The following LITAF variants were observed in gnomAD, a reference collection of about 807,000 sequenced individuals.
LITAF encodes lipopolysaccharide induced TNF factor, also known as lipopolysaccharide-induced tumor necrosis factor-alpha factor.
Under a neutral mutation model 14.5 loss-of-function variants are expected in LITAF, and 9 were observed. The ratio of observed to expected loss-of-function variants is 0.62; its 90% CI spans 0.37 to 1.08. LITAF has a LOEUF of 1.08. Among genes scored for constraint, LITAF ranks in the 50% least tolerant of loss-of-function variants. The probability of loss-of-function intolerance (pLI) is 0.01; values close to 1 mark genes in which losing one functional copy is unlikely to be tolerated. For missense variants in LITAF, 206 were observed against 213.4 expected, an observed-to-expected ratio of 0.97 and a Z score of 0.22; for synonymous variants, 98 against 88.2, an observed-to-expected ratio of 1.11 and a Z score of -0.62.
At chr16:11,572,117 CAAAT>C (rs1260272078) in intron 1 of LITAF, among the ~76,000 whole-genome samples, 10 of 151,922 alleles carry the variant, frequency 6.6e-5, no homozygotes, top group Admixed American at 1.3e-4. Flanking sequence ...AACAAACAAA[CAAAT>C]AAACAGATCA....
chr16:11,638,042 CTATATATA>C (rs559457634), upstream of LITAF, among the ~76,000 whole-genome samples: 43 of 85,204 alleles, frequency 5.0e-4, 2 homozygotes, highest in African/African-American at 1.4e-3. Flanking sequence ...CTATATATAT[CTATATATA>C]TATCTATATA....
intron 3 of LITAF, among the ~76,000 whole-genome samples, chr16:11,631,894 G>A (rs1261753034): frequency 6.8e-6 from 1 of 147,012 alleles, no homozygotes; most frequent in East Asian, 2.0e-4. Flanking sequence ...TCTGTCTACA[G>A]GCTGGAGTGC....
chr16:11,556,395 C>T, intron 2 of LITAF, 116 bp downstream of exon 2: 2 of 844,200 alleles, frequency 2.4e-6, no homozygotes, highest in Non-Finnish European at 3.7e-6. Context: ...GGGGGTAAAA[C>T]TGGAACGTAC....
intron 3 of LITAF, among the ~76,000 whole-genome samples, chr16:11,620,715 T>C (rs2065045085): frequency 6.6e-6 from 1 of 152,214 alleles, no homozygotes; most frequent in Non-Finnish European, 1.5e-5. Flanking sequence ...AGTATGATGA[T>C]ATTAGGAACT....
At chr16:11,622,748 G>C (rs187770554) in intron 3 of LITAF, among the ~76,000 whole-genome samples, 3 of 152,020 alleles carry the variant, frequency 2.0e-5, no homozygotes, top group Admixed American at 6.6e-5. Flanking sequence ...TTATTGTTCT[G>C]AACCACCTAA....
chr16:11,622,080 G>A (rs571592381), intron 3 of LITAF, among the ~76,000 whole-genome samples: 2 of 152,204 alleles, frequency 1.3e-5, no homozygotes, highest in African/African-American at 2.4e-5. Context: ...CCAGTTCAGA[G>A]CTGTCGGTGG....
At chr16:11,573,085 C>T (rs1050897484) in intron 1 of LITAF, among the ~76,000 whole-genome samples, 9 of 152,160 alleles carry the variant, frequency 5.9e-5, no homozygotes, top group African/African-American at 1.7e-4. Context: ...TGTGCCACCA[C>T]GCCTGGCTAA....
At chr16:11,601,421 C>G (rs1357814100), upstream of LITAF, among the ~76,000 whole-genome samples, 1 of 152,176 alleles carries the variant, frequency 6.6e-6, no homozygotes, top group Non-Finnish European at 1.5e-5. Flanking sequence ...CAATTTTCTT[C>G]TCTCTCTTGG....
At position 11,553,494 on chromosome 16, in the gene LITAF, G is replaced by A. The variant is rs1401449381; in HGVS notation, c.377+39C>T. 1.9e-6 allele frequency: 3 copies of A among 1,611,468 alleles called. No individual in the cohort carries two copies. Among genetic ancestry groups the A allele is most frequent in the East Asian group, 2.2e-5 (1 of 44,868 alleles). On this transcript the variant is annotated intron_variant, in intron 3 of 3. Coordinates refer to ENST00000622633, the MANE Select transcript of LITAF (RefSeq NM_001136472.2). This position sits in a 1 kb window ranked among gnomAD's most constrained non-coding sequence, Gnocchi z 7.7. ...CACCCCCGCCAGCACCCAGAGAGAA[G>A]GGCAGGATGGCTTGGGGCCAAGTGG...
rs2064812377 is a variant in LITAF, at chr16:11,586,754, C to A, written c.-6+132G>T. On this transcript the variant is annotated intron_variant, in intron 1 of 3. Transcript: ENST00000622633. The surrounding 1 kb of genome is among the most constrained non-coding windows in gnomAD (Gnocchi z 6.5). ...GCGCCTCGATGCCCGCGACCCGACC[C>A]GCGCCCCCTGGCATCCCAGGAGGCC... 2.0e-5 allele frequency: 3 copies of A among 152,098 alleles called. No individual in the cohort carries two copies. The highest frequency in any genetic ancestry group is 3.8e-4 in the South Asian group (2 of 5,196). The allele number at this position is 152,098 out of a possible 1,614,324, so 9.4% of individuals were successfully genotyped here. A position where few individuals can be genotyped will look rare whatever the true frequency, so the allele number is the denominator to read the frequency against.
Position 11,549,779 on chromosome 16 carries a change from C to A in LITAF, c.378-34G>T. 1 of 1,530,302 alleles carries A rather than the reference C, an allele frequency of 6.5e-7. No individual in the cohort carries two copies. Among genetic ancestry groups the A allele is most frequent in the Non-Finnish European group, 9.0e-7 (1 of 1,112,344 alleles). The allele number at this position is 1,530,302 out of a possible 1,614,324, so 94.8% of individuals were successfully genotyped here. On this transcript the variant is annotated intron_variant, in intron 3 of 3. Transcript: ENST00000622633. This position sits in a 1 kb window ranked among gnomAD's most constrained non-coding sequence, Gnocchi z 4.6. ...AGAGAGAGACACACGGAGCGCGTTA[C>A]TGATCACAACAGGGTGAACACTGGC...
chr16:11,590,933 G>A (rs376989819), upstream of LITAF, among the ~76,000 whole-genome samples: 67 of 115,552 alleles, frequency 5.8e-4, 22 homozygotes, highest in East Asian at 0.016. Context: ...GAGTTTCATC[G>A]TGTTGGCCAG....
intron 1 of LITAF, chr16:11,584,465 G>T: frequency 6.6e-6 from 1 of 152,166 alleles, no homozygotes; most frequent in Non-Finnish European, 1.5e-5. Context: ...AAATTAACTT[G>T]GGCTGGAAAC....
intron 1 of LITAF, among the ~76,000 whole-genome samples, chr16:11,574,049 T>C (rs1295260133): frequency 6.7e-6 from 1 of 149,864 alleles, no homozygotes; most frequent in South Asian, 2.1e-4. Flanking sequence ...AGGTTCTCAC[T>C]GGGTTTTTTA....
chr16:11,584,170 A>T lies in LITAF; in HGVS notation c.-6+2716T>A, dbSNP rs572375560. On this transcript the variant is annotated intron_variant, in intron 1 of 3. Coordinates refer to ENST00000622633, the MANE Select transcript of LITAF (RefSeq NM_001136472.2). ...AAATATGTGTGCTAAAGAAACACAG[A>T]ACTAAGGAAGTCTATTTACCTGATA... The T allele has an allele frequency of 1.1e-3, 172 of 152,334 alleles. 2 individuals carry two copies. Among genetic ancestry groups the T allele is most frequent in the African/African-American group, 3.9e-3 (164 of 41,572 alleles). 9.4% of individuals were successfully genotyped at this position (152,334 alleles called of 1,614,324 possible).
At chr16:11,572,115 A>G (rs2064551320) in intron 1 of LITAF, among the ~76,000 whole-genome samples, 1 of 151,858 alleles carries the variant, frequency 6.6e-6, no homozygotes, top group African/African-American at 2.4e-5. Context: ...TAAACAAACA[A>G]ACAAATAAAC....
chr16:11,609,370 C>T (rs990085313), intron 3 of LITAF, among the ~76,000 whole-genome samples: 1 of 152,130 alleles, frequency 6.6e-6, no homozygotes, highest in South Asian at 2.1e-4. Flanking sequence ...TGCCACCACA[C>T]TCAGCTAATT....
At chr16:11,599,914 G>A (rs566781731), upstream of LITAF, among the ~76,000 whole-genome samples, 10 of 152,158 alleles carry the variant, frequency 6.6e-5, no homozygotes, top group Non-Finnish European at 1.5e-4. Flanking sequence ...CTCTATCTGA[G>A]GTTATCCTCC....
chr16:11,591,899 C>G (rs1049801587), upstream of LITAF, among the ~76,000 whole-genome samples: 2 of 152,130 alleles, frequency 1.3e-5, no homozygotes, highest in Non-Finnish European at 2.9e-5. Flanking sequence ...GAGAGTCTTT[C>G]TGACAAGTGG....
Sources: gnomAD v4.1 joint callset for allele counts (sites outside exome capture counted in the v4.1 genomes callset) on GRCh38, gnomAD v4.1.1 for gene constraint, Gnocchi (gnomAD v3.1) non-coding constraint, MANE v1.5 for transcripts, NCBI Gene and HGNC (gene_info 2026-07-23, HGNC 2026-07-21) for gene names.